PHACTR2: variants seen among roughly 807,000 people sequenced by gnomAD.
PHACTR2 encodes the protein phosphatase and actin regulator 2.
A neutral mutation model predicts 76.0 loss-of-function variants in PHACTR2; 30 were observed. That is an observed-to-expected ratio of 0.39 (90% CI 0.30 to 0.54). The LOEUF is 0.54. Among genes scored for constraint, PHACTR2 ranks in the 20% least tolerant of loss-of-function variants. The probability of loss-of-function intolerance (pLI) is 0.61; values close to 1 mark genes in which losing one functional copy is unlikely to be tolerated. For synonymous variants in PHACTR2, 292 were observed against 292.5 expected, an observed-to-expected ratio of 1.00 and a Z score of 0.02; for missense variants, 696 against 781.1, an observed-to-expected ratio of 0.89 and a Z score of 1.30.
In PHACTR2 at chr6:143,639,367, G is replaced by A. The variant is rs1371604815; in HGVS notation, c.13+31045G>A. Among the ~76,000 whole-genome samples, 1 of 152,152 alleles carries A rather than the reference G, an allele frequency of 6.6e-6. No homozygotes were observed. The stretch of plus-strand genomic sequence containing the variant: ...TGGGAGTTAGTGTTTATGCCATCAA[G>A]GCTATCATTGCTCAAAACATTTCAA... On this transcript the variant is annotated intron_variant, in intron 1 of 11. Transcript: ENST00000305766. This position sits in a 1 kb window ranked among gnomAD's most constrained non-coding sequence, Gnocchi z 5.0.
At chr6:143,612,634 A>G (rs1207752120) in intron 1 of PHACTR2, among the ~76,000 whole-genome samples, 1 of 152,098 alleles carries the variant, frequency 6.6e-6, no homozygotes, top group Non-Finnish European at 1.5e-5. Flanking sequence ...CGTACATAAT[A>G]TGTACACATG....
chr6:143,670,005 T>C (rs1162544925), intron 1 of PHACTR2, among the ~76,000 whole-genome samples: 1 of 152,214 alleles, frequency 6.6e-6, no homozygotes, highest in African/African-American at 2.4e-5. Context: ...TTCCTTTCCA[T>C]ATTTAGTACT....
At chr6:143,638,449 A>T (rs1028445355) in intron 1 of PHACTR2, among the ~76,000 whole-genome samples, 1 of 151,760 alleles carries the variant, frequency 6.6e-6, no homozygotes, top group African/African-American at 2.4e-5. Context: ...GGAGGCTGAG[A>T]TGGGAGGATT....
rs1776340644 is a variant in PHACTR2, at chr6:143,818,110, A to T, written c.1923-5564A>T. Among the ~76,000 whole-genome samples the T allele has an allele frequency of 6.6e-6, 1 of 152,230 alleles. No individual in the cohort carries two copies. Among genetic ancestry groups the T allele is most frequent in the Non-Finnish European group, 1.5e-5 (1 of 68,040 alleles). On this transcript the variant is annotated intron_variant, in intron 12 of 12. Transcript: ENST00000440869. This position sits in a 1 kb window ranked among gnomAD's most constrained non-coding sequence, Gnocchi z 4.9. ...CTGTACCCCATAAATATGAACAATT[A>T]TGTGTCAATTAAAAATATAATAAAA...
chr6:143,555,675 C>A (rs1775163640), intron 1 of PHACTR2, among the ~76,000 whole-genome samples: 1 of 152,080 alleles, frequency 6.6e-6, no homozygotes, highest in African/African-American at 2.4e-5. Context: ...TATACCCCCA[C>A]CCTAGATGAT....
In PHACTR2 at chr6:143,571,752, C is replaced by T. The variant is rs766927265; in HGVS notation, c.217+34545C>T. Among the ~76,000 whole-genome samples, 16 of 152,116 alleles carry T rather than the reference C, an allele frequency of 1.1e-4. No homozygotes were observed. Among genetic ancestry groups the T allele is most frequent in the Non-Finnish European group, 2.4e-4 (16 of 68,028 alleles). Reference sequence around the variant, plus strand: ...ATTAAAAAAATCATTTCCTTACTTTCTGGGACCACAAGACGTTCCAGACTC... The same window carrying T: ...ATTAAAAAAATCATTTCCTTACTTTTTGGGACCACAAGACGTTCCAGACTC... On this transcript the variant is annotated intron_variant, in intron 1 of 11. Transcript: ENST00000367584. This position sits in a 1 kb window ranked among gnomAD's most constrained non-coding sequence, Gnocchi z 4.6.
Position 143,617,801 on chromosome 6 carries a change from C to CAACGGA in PHACTR2, c.13+9483_13+9488dup, listed in dbSNP as rs1776080657. 6.6e-6 allele frequency among the ~76,000 whole-genome samples: 1 copy of CAACGGA among 152,176 alleles called. No homozygotes were observed. On this transcript the variant is annotated intron_variant, in intron 1 of 11. Coordinates refer to the PHACTR2 transcript ENST00000305766. This position sits in a 1 kb window ranked among gnomAD's most constrained non-coding sequence, Gnocchi z 4.8. ...TCCAGGCAATGTATCAGGATAGGAACAACGGAAACTGAAGCCAGACTTTCT... is the reference window on the plus strand; with the variant it reads ...TCCAGGCAATGTATCAGGATAGGAACAACGGAAACGGAAACTGAAGCCAGACTTTCT...
chr6:143,755,227 T>A lies in PHACTR2; in HGVS notation c.454+1315T>A. Reference sequence around the variant, plus strand: ...TAAAAAGAAAGTAGACTTAAATAAATTTTAGTGGGATTCAGTTGAAAGTAT... The same window carrying A: ...TAAAAAGAAAGTAGACTTAAATAAAATTTAGTGGGATTCAGTTGAAAGTAT... On this transcript the variant is annotated intron_variant, in intron 4 of 12. Coordinates refer to ENST00000440869, the MANE Select transcript of PHACTR2 (RefSeq NM_001100164.2). This position sits in a 1 kb window ranked among gnomAD's most constrained non-coding sequence, Gnocchi z 5.2. 2.2e-6 allele frequency: 1 copy of A among 453,036 alleles called. No individual in the cohort carries two copies. The highest frequency in any genetic ancestry group is 1.6e-5 in the South Asian group (1 of 64,088). 28.1% of individuals were successfully genotyped at this position (453,036 alleles called of 1,614,324 possible).
Position 143,596,370 on chromosome 6 carries a change from G to C in PHACTR2, c.217+59163G>C, listed in dbSNP as rs1775756775. 6.6e-6 allele frequency among the ~76,000 whole-genome samples: 1 copy of C among 151,772 alleles called. No homozygotes were observed. Among genetic ancestry groups the C allele is most frequent in the African/African-American group, 2.4e-5 (1 of 41,264 alleles). On this transcript the variant is annotated intron_variant, in intron 1 of 11. Coordinates refer to the PHACTR2 transcript ENST00000367584. This position sits in a 1 kb window ranked among gnomAD's most constrained non-coding sequence, Gnocchi z 4.6. ...TCTTGGTGGTGATCTTGTTATTGAG[G>C]CTCACATTTACCTGAACTGCATTAA...
chr6:143,653,717 T>A lies in PHACTR2; in HGVS notation c.13+45395T>A, dbSNP rs879726249. On this transcript the variant is annotated intron_variant, in intron 1 of 11. Coordinates refer to the PHACTR2 transcript ENST00000305766. This position sits in a 1 kb window ranked among gnomAD's most constrained non-coding sequence, Gnocchi z 4.9. ...CCTTACATCATATTAAAAAATTAAC[T>A]CAAGATTGATCAAAGACCTAGATGT... 4.6e-5 allele frequency among the ~76,000 whole-genome samples: 7 copies of A among 151,742 alleles called. No homozygotes were observed. Among genetic ancestry groups the A allele is most frequent in the Non-Finnish European group, 8.8e-5 (6 of 67,944 alleles).
rs905193586 is a variant in PHACTR2, at chr6:143,801,260, G to A, written c.1846-5797G>A. ...TGTTGGCCTCTCTTGCTAGGTTGGG[G>A]AAGTTCTCCTGGATAATATCCTGAA... On this transcript the variant is annotated intron_variant, in intron 11 of 12. Transcript: ENST00000440869. This position sits in a 1 kb window ranked among gnomAD's most constrained non-coding sequence, Gnocchi z 4.6. Among the ~76,000 whole-genome samples the A allele has an allele frequency of 6.6e-6, 1 of 152,168 alleles. No homozygotes were observed. Among genetic ancestry groups the A allele is most frequent in the African/African-American group, 2.4e-5 (1 of 41,436 alleles).
chr6:143,722,474 T>C lies in PHACTR2; in HGVS notation c.214+10291T>C, dbSNP rs1328349162. ...CTTGGCATGTCATTTTTTTCTTAAA[T>C]TTTTTTATTTTTAATGAATGCATAA... On this transcript the variant is annotated intron_variant, in intron 2 of 12. Coordinates refer to ENST00000440869, the MANE Select transcript of PHACTR2 (RefSeq NM_001100164.2). The surrounding 1 kb of genome is among the most constrained non-coding windows in gnomAD (Gnocchi z 4.1). Among the ~76,000 whole-genome samples the C allele has an allele frequency of 6.6e-6, 1 of 152,160 alleles. No homozygotes were observed. Among genetic ancestry groups the C allele is most frequent in the African/African-American group, 2.4e-5 (1 of 41,446 alleles).
chr6:143,678,025 G>A lies in PHACTR2; in HGVS notation c.-139G>A. On this transcript the variant is annotated 5_prime_UTR_variant, in exon 1 of 13. Transcript: ENST00000440869. The surrounding 1 kb of genome is among the most constrained non-coding windows in gnomAD (Gnocchi z 6.2). ...CGGCCGGGCTGGGAGACCCGCGCGGGGTAGAAGGTGAGGGGACCCGGCGGG... is the reference window on the plus strand; with the variant it reads ...CGGCCGGGCTGGGAGACCCGCGCGGAGTAGAAGGTGAGGGGACCCGGCGGG... 2.0e-6 allele frequency: 3 copies of A among 1,511,668 alleles called. No homozygotes were observed. The highest frequency in any genetic ancestry group is 2.7e-6 in the Non-Finnish European group (3 of 1,126,922). The allele number at this position is 1,511,668 out of a possible 1,614,324, so 93.6% of individuals were successfully genotyped here.
chr6:143,624,688 C>A lies in PHACTR2; in HGVS notation c.13+16366C>A, dbSNP rs1358777799. Among the ~76,000 whole-genome samples the A allele has an allele frequency of 6.6e-6, 1 of 151,946 alleles. No homozygotes were observed. Among genetic ancestry groups the A allele is most frequent in the Non-Finnish European group, 1.5e-5 (1 of 68,012 alleles). ...GTGTTCAATCTGCCCTTGAGGAGCT[C>A]CAGGCCTAAAGCTGGAACCCCACGG... On this transcript the variant is annotated intron_variant, in intron 1 of 11. Transcript: ENST00000305766. The surrounding 1 kb of genome is among the most constrained non-coding windows in gnomAD (Gnocchi z 4.6).
chr6:143,637,259 T>C (rs1303963203), intron 1 of PHACTR2, among the ~76,000 whole-genome samples: 1 of 152,052 alleles, frequency 6.6e-6, no homozygotes, highest in African/African-American at 2.4e-5. Flanking sequence ...TCCAAATAAT[T>C]TTTTTTCTAA....
upstream of PHACTR2, chr6:143,608,068 G>T (rs761229042): frequency 7.9e-5 from 44 of 560,004 alleles, no homozygotes; most frequent in Admixed American, 1.2e-4. The surrounding 1 kb of genome is among the most constrained non-coding windows in gnomAD (Gnocchi z 4.6). Flanking sequence ...AACCCCAGGG[G>T]ATTCAAGTAC....
Position 143,627,908 on chromosome 6 carries a change from C to T in PHACTR2, c.13+19586C>T, listed in dbSNP as rs944357208. ...CTGGTTCCAAAGCCTTTTCATCTAC[C>T]TCAAGAAAACCCTATACCCATTGTG... On this transcript the variant is annotated intron_variant, in intron 1 of 11. Coordinates refer to the PHACTR2 transcript ENST00000305766. The surrounding 1 kb of genome is among the most constrained non-coding windows in gnomAD (Gnocchi z 4.3). Among the ~76,000 whole-genome samples, 3 of 152,248 alleles carry T rather than the reference C, an allele frequency of 2.0e-5. No homozygotes were observed. The highest frequency in any genetic ancestry group is 4.4e-5 in the Non-Finnish European group (3 of 68,014).
upstream of PHACTR2, among the ~76,000 whole-genome samples, chr6:143,676,684 T>G (rs1777253951): frequency 6.6e-6 from 1 of 152,120 alleles, no homozygotes; most frequent in Admixed American, 6.5e-5. The surrounding 1 kb of genome is among the most constrained non-coding windows in gnomAD (Gnocchi z 4.8). Flanking sequence ...GAAATGTAGT[T>G]AGGATTAATT....
chr6:143,771,221 T>C (rs1334907609), intron 6 of PHACTR2, among the ~76,000 whole-genome samples: 19 of 109,098 alleles, frequency 1.7e-4, no homozygotes, highest in South Asian at 5.7e-4. Flanking sequence ...TATATATATA[T>C]ATATATATAT....
Sources: allele counts gnomAD v4.1 joint callset (sites outside exome capture counted in the v4.1 genomes callset), GRCh38; gene constraint gnomAD v4.1.1; non-coding constraint Gnocchi (gnomAD v3.1); transcripts MANE v1.5; gene names NCBI Gene and HGNC (gene_info 2026-07-23, HGNC 2026-07-21).